The following PTPRT variants were observed in gnomAD, a reference collection of about 807,000 sequenced individuals.
PTPRT encodes the protein receptor-type tyrosine-protein phosphatase T.
PTPRT carries 56 observed loss-of-function variants against 176.8 expected under a neutral mutation model. The ratio of observed to expected loss-of-function variants is 0.32; its 90% CI spans 0.26 to 0.40. PTPRT has a LOEUF of 0.40. Among genes scored for constraint, PTPRT ranks in the 10% least tolerant of loss-of-function variants. PTPRT has a pLI of 1.00. For synonymous variants in PTPRT, 783 were observed against 739.0 expected (o/e 1.06, Z -0.96); for missense variants, 1,540 against 1,908.2 (o/e 0.81, Z 3.60).
intron 11 of PTPRT, among the ~76,000 whole-genome samples, chr20:42,338,071 T>C (rs1003504320): frequency 1.3e-5 from 2 of 152,012 alleles, no homozygotes; most frequent in Non-Finnish European, 2.9e-5. Context: ...AGGCCACCTT[T>C]TTAGGTTCCA....
At chr20:43,161,160 A>T (rs1207421454) in intron 1 of PTPRT, among the ~76,000 whole-genome samples, 1 of 152,188 alleles carries the variant, frequency 6.6e-6, no homozygotes, top group African/African-American at 2.4e-5. Context: ...CCTGGAGCAG[A>T]GCCATTTCTG....
chr20:43,037,274 C>T (rs750290807), intron 1 of PTPRT, among the ~76,000 whole-genome samples: 1 of 152,232 alleles, frequency 6.6e-6, no homozygotes, highest in Non-Finnish European at 1.5e-5. Flanking sequence ...TAGGAAACTA[C>T]ATCTCCTAGA....
At chr20:42,986,508 A>C (rs1230113977) in intron 1 of PTPRT, among the ~76,000 whole-genome samples, 1 of 152,164 alleles carries the variant, frequency 6.6e-6, no homozygotes, top group Non-Finnish European at 1.5e-5. Context: ...TCCCCTTAGT[A>C]CAGCTCGAGA....
chr20:42,769,363 A>G (rs1302161089), intron 5 of PTPRT, among the ~76,000 whole-genome samples: 1 of 152,224 alleles, frequency 6.6e-6, no homozygotes, highest in African/African-American at 2.4e-5. Flanking sequence ...AAAGGAACAC[A>G]TGAAAATATG....
chr20:42,137,256 A>C (rs528426079), intron 18 of PTPRT, among the ~76,000 whole-genome samples: 1 of 152,274 alleles, frequency 6.6e-6, no homozygotes, highest in Non-Finnish European at 1.5e-5. Flanking sequence ...GCATTGAATA[A>C]GGCACCCACT....
At chr20:42,835,442 C>A (rs1381741005) in intron 2 of PTPRT, among the ~76,000 whole-genome samples, 4 of 151,950 alleles carry the variant, frequency 2.6e-5, no homozygotes, top group Admixed American at 2.6e-4. Context: ...AGATGATATC[C>A]AAATGAAATA....
At chr20:42,472,233 C>G in intron 8 of PTPRT, 33 bp downstream of exon 8, 2 of 1,599,140 alleles carry the variant, frequency 1.3e-6, no homozygotes, top group South Asian at 1.1e-5. Context: ...TTCAATATCC[C>G]CATTCCCATG....
chr20:42,705,316 C>A (rs1019980876), intron 6 of PTPRT, among the ~76,000 whole-genome samples: 1 of 151,430 alleles, frequency 6.6e-6, no homozygotes, highest in East Asian at 1.9e-4. Context: ...GGGCTGAGTC[C>A]GAGAAAGGAG....
chr20:42,591,171 C>T (rs1343254056), intron 7 of PTPRT, among the ~76,000 whole-genome samples: 1 of 151,778 alleles, frequency 6.6e-6, no homozygotes, highest in African/African-American at 2.4e-5. Flanking sequence ...TATCTAAAGT[C>T]TTTTTTAAAT....
chr20:42,261,441 T>C (rs2056747470), intron 13 of PTPRT, among the ~76,000 whole-genome samples: 1 of 148,686 alleles, frequency 6.7e-6, no homozygotes, highest in Non-Finnish European at 1.5e-5. Context: ...CTGGGGTTAT[T>C]ACTTCAACAT....
chr20:42,877,642 C>T (rs1249616899), intron 2 of PTPRT, among the ~76,000 whole-genome samples: 1 of 152,174 alleles, frequency 6.6e-6, no homozygotes, highest in Non-Finnish European at 1.5e-5. Flanking sequence ...CCGCTACCTA[C>T]TAAGCCCCAG....
At chr20:42,870,475 A>AAT (rs1236625153) in intron 2 of PTPRT, among the ~76,000 whole-genome samples, 2 of 152,214 alleles carry the variant, frequency 1.3e-5, no homozygotes, top group Non-Finnish European at 2.9e-5. Context: ...CGAGTGTGTA[A>AAT]ATATATTTTC....
chr20:43,028,670 C>T (rs1354188769), intron 1 of PTPRT, among the ~76,000 whole-genome samples: 1 of 152,216 alleles, frequency 6.6e-6, no homozygotes, highest in Admixed American at 6.5e-5. Context: ...CTAAGTGCTA[C>T]TTCCTTTGTC....
At chr20:42,114,452 T>C (rs1987169186) in intron 22 of PTPRT, among the ~76,000 whole-genome samples, 1 of 152,228 alleles carries the variant, frequency 6.6e-6, no homozygotes, top group African/African-American at 2.4e-5. Context: ...TTATGTAACA[T>C]GTTATAAATA....
At chr20:42,889,226 G>A (rs2079151909) in intron 1 of PTPRT, among the ~76,000 whole-genome samples, 1 of 152,168 alleles carries the variant, frequency 6.6e-6, no homozygotes, top group South Asian at 2.1e-4. Context: ...CCCCTCTGCT[G>A]AGCTCTGTTG....
chr20:43,179,784 A>G (rs1427006887), intron 1 of PTPRT, among the ~76,000 whole-genome samples: 9 of 152,228 alleles, frequency 5.9e-5, no homozygotes, highest in Admixed American at 5.2e-4. Flanking sequence ...CAAAGGTTAT[A>G]TTTGTATTTT....
At chr20:42,286,984 T>A (rs1479033831) in intron 12 of PTPRT, among the ~76,000 whole-genome samples, 1 of 151,656 alleles carries the variant, frequency 6.6e-6, no homozygotes, top group Non-Finnish European at 1.5e-5. Context: ...AACAAATATA[T>A]AAAAAATGCT....
At chr20:42,829,242 G>A (rs1438944583) in intron 2 of PTPRT, among the ~76,000 whole-genome samples, 1 of 152,090 alleles carries the variant, frequency 6.6e-6, no homozygotes, top group Non-Finnish European at 1.5e-5. Flanking sequence ...CCTTTGTTTT[G>A]GCCAACATCT....
intron 10 of PTPRT, among the ~76,000 whole-genome samples, chr20:42,351,217 C>T (rs1359140262): frequency 7.9e-5 from 12 of 151,576 alleles, no homozygotes; most frequent in Admixed American, 7.9e-4. Context: ...TTTGTAGTAA[C>T]AGCTATTAAA....
Sources: gnomAD v4.1 joint callset for allele counts (sites outside exome capture counted in the v4.1 genomes callset) on GRCh38, gnomAD v4.1.1 for gene constraint, MANE v1.5 for transcripts, NCBI Gene and HGNC (gene_info 2026-07-23, HGNC 2026-07-21) for gene names.